The following NLRP2 variants were observed in gnomAD, a reference collection of about 807,000 sequenced individuals.
The protein encoded by NLRP2 is NACHT, LRR and PYD domains-containing protein 2.
In NLRP2, 107 loss-of-function variants were observed where a neutral mutation model predicts 97.2. That is an observed-to-expected ratio of 1.10 (90% CI 0.94 to 1.29). The LOEUF (loss-of-function observed/expected upper bound fraction) is 1.29. NLRP2 is among the 50% of genes most tolerant of loss of function. The probability of loss-of-function intolerance (pLI) is 0.00; values close to 1 mark genes in which losing one functional copy is unlikely to be tolerated. For missense variants in NLRP2, 1,495 were observed against 1,330.3 expected (o/e 1.12, Z -1.93); for synonymous variants, 663 against 551.5 (o/e 1.20, Z -2.83).
intron 1 of NLRP2, 144 bp from the exon 2 acceptor site, chr19:54,969,855 C>G (rs2070729519): frequency 1.3e-6 from 1 of 791,504 alleles, no homozygotes; most frequent in African/African-American, 1.7e-5. Flanking sequence ...GGGGGTCTCA[C>G]TATGTTGCCC....
intron 4 of NLRP2, among the ~76,000 whole-genome samples, chr19:54,978,442 C>G (rs568155106): frequency 6.6e-6 from 1 of 152,140 alleles, no homozygotes; most frequent in Admixed American, 6.6e-5. Context: ...TTCACCATCT[C>G]ATTCAGGGTG....
At chr19:54,997,843 C>G (rs1256784949) in intron 12 of NLRP2, among the ~76,000 whole-genome samples, 3 of 119,776 alleles carry the variant, frequency 2.5e-5, no homozygotes, top group Non-Finnish European at 3.5e-5. Context: ...GCTGCAGGCT[C>G]GCTCCAGCTC....
intron 12 of NLRP2, 65 bp downstream of exon 12, chr19:54,997,552 A>T (rs2072903697): frequency 6.6e-7 from 1 of 1,521,838 alleles, no homozygotes; most frequent in East Asian, 2.2e-5. Context: ...AAGCATAATG[A>T]CATGGACCTG....
rs1414681657 is a variant in NLRP2 at position 54,986,206 on chromosome 19, G to C, written c.2257G>C (p.Gly753Arg). The part of the protein sequence containing the change: ...AHRNLCLALR[G>R]HKTVTYLTLQ... ...TCGGAACCTCTGCCTAGCTCTTCGA[G>C]GTCACAAGACTGTAACGTATCTGAC... The change falls in exon 8 of 13, where the codon GGT becomes CGT. Residue 753 changes from glycine to arginine, a missense_variant. Transcript: ENST00000448584. 26 of 1,613,358 alleles carry C rather than the reference G, an allele frequency of 1.6e-5. No homozygotes were observed. Among genetic ancestry groups the C allele is most frequent in the Non-Finnish European group, 2.2e-5 (26 of 1,179,440 alleles).
chr19:54,993,800 C>T (rs115438114), intron 10 of NLRP2: 231 of 263,412 alleles, frequency 8.8e-4, no homozygotes, highest in Middle Eastern at 1.4e-3. Context: ...AACCAGGAGG[C>T]GGAGGTTGAA....
chr19:54,986,247 C>A lies in NLRP2; in HGVS notation c.2298C>A (p.Asp766Glu), dbSNP rs759357240. 1.2e-6 allele frequency: 2 copies of A among 1,613,850 alleles called. No individual in the cohort carries two copies. The highest frequency in any genetic ancestry group is 1.7e-6 in the Non-Finnish European group (2 of 1,179,816). Reference sequence around the variant, plus strand: ...CGTATCTGACCCTTCAAGGCAATGACCAGGATGATATGTTTCCCGCATTGT... The same window carrying A: ...CGTATCTGACCCTTCAAGGCAATGAACAGGATGATATGTTTCCCGCATTGT... ...TVTYLTLQGNDQDDMFPALCE... is the reference protein window; with the variant it reads ...TVTYLTLQGNEQDDMFPALCE... The change falls in exon 8 of 13, where the codon GAC becomes GAA. Residue 766 changes from aspartate to glutamate, a missense_variant. Transcript: ENST00000448584.
At chr19:54,998,298 A>G (rs973721173) in intron 12 of NLRP2, among the ~76,000 whole-genome samples, 8 of 151,824 alleles carry the variant, frequency 5.3e-5, no homozygotes, top group African/African-American at 1.9e-4. Flanking sequence ...GATTACAGGC[A>G]TGAGCCACCG....
At chr19:54,966,646 G>C (rs967433035) in intron 1 of NLRP2, among the ~76,000 whole-genome samples, 179 bp downstream of exon 1, 20 of 151,588 alleles carry the variant, frequency 1.3e-4, no homozygotes, top group East Asian at 3.9e-4. Flanking sequence ...CCCGGGTTCA[G>C]GCCATTCTCC....
chr19:54,974,403 G>A lies in NLRP2; in HGVS notation c.281-97G>A, dbSNP rs931190636. ...GGAAGGAGATAAGAGAAAGGAACAA[G>A]TGATCCAGTTCTAAGTGTCATCTTT... is the stretch of plus-strand genomic sequence containing the variant. On this transcript the variant is annotated intron_variant, in intron 2 of 12. Coordinates refer to ENST00000448584, the MANE Select transcript of NLRP2 (RefSeq NM_017852.5). The A allele has an allele frequency of 9.0e-6, 8 of 887,462 alleles. No homozygotes were observed. In the Admixed American group the frequency reaches 1.2e-4, roughly 14 times the overall value. 55.0% of individuals were successfully genotyped at this position (887,462 alleles called of 1,614,324 possible).
chr19:54,983,272 G>T lies in NLRP2; in HGVS notation c.1574G>T (p.Arg525Met). The T allele has an allele frequency of 6.2e-7, 1 of 1,614,004 alleles. No individual in the cohort carries two copies. Among genetic ancestry groups the T allele is most frequent in the Middle Eastern group, 1.6e-4 (1 of 6,062 alleles). The change falls in exon 6 of 13, where the codon AGG becomes ATG. Residue 525 changes from arginine (R) to methionine (M), a missense_variant. Arg to Met is a moderately conservative substitution (Grantham distance 91, BLOSUM62 -1). Coordinates refer to ENST00000448584, the MANE Select transcript of NLRP2 (RefSeq NM_017852.5). ...YTLEKEEEED[R>M]DGHTWDIGDV... is the part of the protein sequence containing the mutation. ...CTGGAGAAGGAGGAGGAAGAGGATA[G>T]GGACGGCCACACCTGGGACATTGGG... is the stretch of plus-strand genomic sequence containing the variant.
At chr19:54,972,927 G>C (rs1052840567) in intron 2 of NLRP2, among the ~76,000 whole-genome samples, 6 of 152,070 alleles carry the variant, frequency 3.9e-5, no homozygotes, top group African/African-American at 1.4e-4. Flanking sequence ...AGTGGCTCAC[G>C]CCTGTAATCA....
At position 54,990,174 on chromosome 19, in the gene NLRP2, G is replaced by C; in HGVS notation, c.2519G>C (p.Cys840Ser). ...TACACAACTTTGAGACACCCCAAGT[G>C]CTTTCTGCAGAGGTTGTCGTAAGTC... The part of the protein sequence containing the change: ...LLYTTLRHPK[C>S]FLQRLSLENC... Residue 840 changes from cysteine (C) to serine (S), a missense_variant, in exon 9 of 13, where the codon TGC (cysteine) becomes TCC (serine). Cys to Ser is a moderately radical substitution (Grantham distance 112). Coordinates refer to ENST00000448584, the MANE Select transcript of NLRP2 (RefSeq NM_017852.5). The C allele has an allele frequency of 1.2e-6, 2 of 1,614,122 alleles. No individual in the cohort carries two copies. The highest frequency in any genetic ancestry group is 1.7e-6 in the Non-Finnish European group (2 of 1,180,020).
intron 3 of NLRP2, 83 bp from the exon 4 acceptor site, chr19:54,977,669 A>G: frequency 7.6e-7 from 1 of 1,312,212 alleles, no homozygotes; most frequent in Non-Finnish European, 1.1e-6. Flanking sequence ...TTCACTACTG[A>G]GACTCAGGGG....
intron 1 of NLRP2, among the ~76,000 whole-genome samples, chr19:54,968,123 G>C (rs1181026151): frequency 6.6e-6 from 1 of 151,946 alleles, no homozygotes; most frequent in Non-Finnish European, 1.5e-5. Context: ...TCACTATGTT[G>C]GCCAGGCTGG....
In NLRP2 at chr19:54,983,670, A is replaced by G. The variant is rs2071817228; in HGVS notation, c.1972A>G (p.Ile658Val). The G allele has an allele frequency of 6.2e-7, 1 of 1,613,894 alleles. No homozygotes were observed. The highest frequency in any genetic ancestry group is 1.7e-5 in the Admixed American group (1 of 59,988). ...CCTGCAGAAAATGTCACTGCAGGTAATAAAGGAGAATCTCCCGGAGAATGT... is the reference window on the plus strand; with the variant it reads ...CCTGCAGAAAATGTCACTGCAGGTAGTAAAGGAGAATCTCCCGGAGAATGT... The part of the protein sequence containing the change: ...RNLQKMSLQV[I>V]KENLPENVTA... Residue 658 changes from isoleucine to valine, a missense_variant, in exon 6 of 13, where the codon ATA (isoleucine) becomes GTA (valine). Physicochemically the swap from Ile to Val is conservative, Grantham distance 29. Transcript: ENST00000448584.
chr19:54,975,119 T>TG (rs2071129434), intron 3 of NLRP2, among the ~76,000 whole-genome samples: 1 of 23,596 alleles, frequency 4.2e-5, no homozygotes, highest in Non-Finnish European at 7.6e-5. Context: ...TTTTTTTTTT[T>TG]TTTTTTTTTT....
intron 1 of NLRP2, among the ~76,000 whole-genome samples, chr19:54,967,672 G>C (rs993011983): frequency 6.6e-6 from 1 of 152,014 alleles, no homozygotes; most frequent in East Asian, 1.9e-4. Flanking sequence ...GAACAGGTCA[G>C]ATGCTGTGGT....
chr19:55,000,766 A>G lies in NLRP2; in HGVS notation c.3057A>G (p.Lys1019=), dbSNP rs758768425. ...TTCCCCCATTGTACCCCAGGTTGAA[A>G]ATCGATGACTTTAATGATGAACTCA... The part of the protein sequence containing the change: ...SSGTLRTLRL[K]IDDFNDELNK... The change falls in exon 13 of 13, where the codon AAA becomes AAG. Residue 1019 remains lysine (K), a synonymous_variant. Transcript: ENST00000448584. 1.5e-5 allele frequency: 25 copies of G among 1,613,608 alleles called. 1 individual carries two copies. The Admixed American group carries it at 3.8e-4, about 25-fold the overall frequency.
intron 8 of NLRP2, chr19:54,989,754 T>C (rs2072332215): frequency 3.6e-6 from 2 of 551,758 alleles, no homozygotes; most frequent in Admixed American, 3.1e-5. Flanking sequence ...GAGGCCGAGG[T>C]GGGCAGATCA....
Sources: gnomAD v4.1 joint callset for allele counts (sites outside exome capture counted in the v4.1 genomes callset) on GRCh38, gnomAD v4.1.1 for gene constraint, MANE v1.5 for transcripts, NCBI Gene and HGNC (gene_info 2026-07-23, HGNC 2026-07-21) for gene names.